Variants in RHBDL3 observed in about 807,000 individuals in gnomAD.
RHBDL3 encodes rhomboid-related protein 3.
In RHBDL3, 28 loss-of-function variants were observed where a neutral mutation model predicts 48.2. The ratio of observed to expected loss-of-function variants is 0.58; its 90% CI spans 0.43 to 0.80. The LOEUF is 0.80. Ranked by LOEUF, RHBDL3 falls within the 30% of genes least tolerant of loss-of-function variation. RHBDL3 has a pLI of 0.00. For missense variants in RHBDL3, 464 were observed against 542.7 expected (o/e 0.85, Z 1.44); for synonymous variants, 208 against 232.3 (o/e 0.90, Z 0.95).
At chr17:32,266,914 G>T (rs998866917) in intron 1 of RHBDL3, among the ~76,000 whole-genome samples, 1 of 152,056 alleles carries the variant, frequency 6.6e-6, no homozygotes, top group African/African-American at 2.4e-5. Context: ...GGTGCCAGGG[G>T]ACGGTCCCCT....
intron 7 of RHBDL3, among the ~76,000 whole-genome samples, chr17:32,307,842 C>A (rs1027585830): frequency 2.0e-5 from 3 of 152,270 alleles, no homozygotes; most frequent in Admixed American, 6.5e-5. Context: ...CCACTCCCCC[C>A]TCCCCCTGCC....
chr17:32,279,202 G>C (rs2039983646), intron 2 of RHBDL3, among the ~76,000 whole-genome samples: 1 of 152,168 alleles, frequency 6.6e-6, no homozygotes. Context: ...AAAAACCAGG[G>C]TGTGTGGTGG....
At chr17:32,294,143 A>C (rs1034170553) in intron 4 of RHBDL3, 151 bp from the exon 5 acceptor site, 6 of 569,182 alleles carry the variant, frequency 1.1e-5, no homozygotes, top group Non-Finnish European at 1.5e-5. Flanking sequence ...AAAAAAAAAA[A>C]AACTCAGTTG....
intron 4 of RHBDL3, among the ~76,000 whole-genome samples, chr17:32,291,768 T>C (rs2040334224): frequency 6.8e-6 from 1 of 147,182 alleles, no homozygotes; most frequent in Non-Finnish European, 1.5e-5. Flanking sequence ...ACCTGAGATA[T>C]TCCTTTTTTT....
In RHBDL3 at chr17:32,276,853, C is replaced by A. The variant is rs375320764; in HGVS notation, c.136-7806C>A. 7.3e-3 allele frequency among the ~76,000 whole-genome samples: 452 copies of A among 61,548 alleles called. 39 individuals are homozygous for A. The highest frequency in any genetic ancestry group is 0.029 in the African/African-American group (150 of 5,250). 40.4% of individuals were successfully genotyped at this position (61,548 alleles called of 152,430 possible). On this transcript the variant is annotated intron_variant, in intron 2 of 8. Transcript: ENST00000269051. ...TAGCACCTTACTCCGGCCCTAGCAC[C>A]TTACTCCGGCCCTAGCACAGTACTG... is the stretch of plus-strand genomic sequence containing the variant.
intron 2 of RHBDL3, among the ~76,000 whole-genome samples, chr17:32,273,561 T>G (rs2039825118): frequency 6.6e-6 from 1 of 152,210 alleles, no homozygotes; most frequent in African/African-American, 2.4e-5. Flanking sequence ...CGCCTCAGTT[T>G]TCTCATCCGT....
chr17:32,318,026 T>C (rs1446533889), intron 8 of RHBDL3, among the ~76,000 whole-genome samples: 1 of 147,812 alleles, frequency 6.8e-6, no homozygotes, highest in Non-Finnish European at 1.5e-5. Context: ...CTTGGCAATA[T>C]AGCAAGACCT....
intron 8 of RHBDL3, among the ~76,000 whole-genome samples, chr17:32,320,333 T>G (rs1456467794): frequency 1.3e-5 from 2 of 152,088 alleles, no homozygotes; most frequent in African/African-American, 4.8e-5. Flanking sequence ...GGTTTTCTTT[T>G]TTTGTTTGTT....
intron 4 of RHBDL3, among the ~76,000 whole-genome samples, chr17:32,289,601 C>G (rs2040278914): frequency 6.6e-6 from 1 of 152,236 alleles, no homozygotes; most frequent in African/African-American, 2.4e-5. Context: ...AAAGAACATT[C>G]TCCCCTTAGG....
At chr17:32,316,613 G>A (rs1163966957) in intron 8 of RHBDL3, among the ~76,000 whole-genome samples, 1 of 151,710 alleles carries the variant, frequency 6.6e-6, no homozygotes, top group Non-Finnish European at 1.5e-5. Flanking sequence ...CTCCTGCCTG[G>A]GCTCCGGTGA....
intron 2 of RHBDL3, among the ~76,000 whole-genome samples, chr17:32,278,127 G>T (rs909925750): frequency 2.6e-5 from 4 of 151,890 alleles, no homozygotes; most frequent in African/African-American, 9.7e-5. Flanking sequence ...GTGAAACCTC[G>T]TCTCTACTAA....
At chr17:32,298,272 C>CTTGCCCCGCCCCACA in intron 6 of RHBDL3, 68 bp downstream of exon 6, 1 of 1,011,098 alleles carries the variant, frequency 9.9e-7, no homozygotes, top group Non-Finnish European at 1.5e-6. Flanking sequence ...CCCTGTGGGG[C>CTTGCCCCGCCCCACA]GGGGCAAGCC....
chr17:32,324,228 C>T lies in RHBDL3; in HGVS notation c.*2999C>T, dbSNP rs572711376. The T allele has an allele frequency of 1.3e-5, 2 of 152,630 alleles. No homozygotes were observed. The highest frequency in any genetic ancestry group is 2.9e-5 in the Non-Finnish European group (2 of 68,042). 9.5% of individuals were successfully genotyped at this position (152,630 alleles called of 1,614,324 possible). On this transcript the variant is annotated 3_prime_UTR_variant, in exon 9 of 9. Coordinates refer to ENST00000269051, the MANE Select transcript of RHBDL3 (RefSeq NM_138328.3). ...GAAATTTCGCTTTAATGACACCATT[C>T]ATCATTCGTTTTTTAATTAGGAAAA...
intron 3 of RHBDL3, among the ~76,000 whole-genome samples, chr17:32,286,795 G>A (rs1454154855): frequency 6.6e-6 from 1 of 152,188 alleles, no homozygotes; most frequent in African/African-American, 2.4e-5. Flanking sequence ...TGTGCAGGTT[G>A]TATACTGTAC....
chr17:32,283,171 C>A (rs537694660), intron 2 of RHBDL3, among the ~76,000 whole-genome samples: 113 of 152,226 alleles, frequency 7.4e-4, no homozygotes, highest in African/African-American at 2.5e-3. Context: ...TGTAGGGAAG[C>A]ACCTTCTGAA....
chr17:32,273,761 A>T (rs1041827189), intron 2 of RHBDL3, among the ~76,000 whole-genome samples: 1 of 152,114 alleles, frequency 6.6e-6, no homozygotes, highest in Admixed American at 6.5e-5. Context: ...TTTGAGACAG[A>T]GTCTCACCCC....
At chr17:32,313,826 G>A (rs1381553514) in intron 7 of RHBDL3, among the ~76,000 whole-genome samples, 3 of 133,626 alleles carry the variant, frequency 2.2e-5, no homozygotes, top group South Asian at 2.3e-4. Context: ...GTGTGATCTC[G>A]GCTCACTGCA....
chr17:32,284,873 C>T (rs1597634052), intron 3 of RHBDL3, 56 bp downstream of exon 3: 1 of 1,457,656 alleles, frequency 6.9e-7, no homozygotes, highest in South Asian at 1.2e-5. Flanking sequence ...GTTATGGCTT[C>T]CACACATTTA....
At chr17:32,295,384 G>A (rs1007252316) in intron 5 of RHBDL3, among the ~76,000 whole-genome samples, 5 of 152,316 alleles carry the variant, frequency 3.3e-5, no homozygotes, top group East Asian at 3.9e-4. Context: ...CTGAATGAAC[G>A]CCTCTGCTCA....
Sources: gnomAD v4.1 joint callset for allele counts (sites outside exome capture counted in the v4.1 genomes callset) on GRCh38, gnomAD v4.1.1 for gene constraint, MANE v1.5 for transcripts, NCBI Gene and HGNC (gene_info 2026-07-23, HGNC 2026-07-21) for gene names.